Variants in SZT2 observed in about 807,000 individuals in gnomAD.
The protein encoded by SZT2 is SZT2 subunit of KICSTOR complex.
In SZT2, 216 loss-of-function variants were observed where a neutral mutation model predicts 404.2. The observed-to-expected ratio is 0.53, with a 90% CI of 0.48 to 0.60. The LOEUF is 0.60. SZT2 is among the 20% of genes least tolerant of loss of function. The probability of loss-of-function intolerance (pLI) is 0.00; values close to 1 mark genes in which losing one functional copy is unlikely to be tolerated. For synonymous variants in SZT2, 1,693 were observed against 1,749.9 expected (o/e 0.97, Z 0.81); for missense variants, 3,857 against 4,459.2 (o/e 0.86, Z 3.85).
rs1197096548 is a variant in SZT2 at position 43,442,002 on chromosome 1, G to A, written c.7745G>A (p.Gly2582Asp). Residue 2582 changes from glycine to aspartate, a missense_variant and splice_region_variant, in exon 56 of 72, where the codon GGT (glycine) becomes GAT (aspartate). This residue lies in a region of SZT2 where 573 missense variants were observed against 592.4 expected (regional missense o/e 0.97). Transcript: ENST00000634258. This position sits in a 1 kb window ranked among gnomAD's most constrained non-coding sequence, Gnocchi z 4.5. ...TSVRIFEQHLGSEPEIFGPCS... is the reference protein window; with the variant it reads ...TSVRIFEQHLDSEPEIFGPCS... ...CTGTCTGTCCTCCCTTTCAATAGGG[G>A]TTCAGAGCCAGAGATCTTCGGCCCT... is the stretch of plus-strand genomic sequence containing the variant. 1.2e-6 allele frequency: 2 copies of A among 1,612,186 alleles called. No individual in the cohort carries two copies. Among genetic ancestry groups the A allele is most frequent in the South Asian group, 2.2e-5 (2 of 90,814 alleles).
intron 38 of SZT2, 47 bp from the exon 39 acceptor site, chr1:43,432,681 C>T (rs1364833106): frequency 5.0e-6 from 8 of 1,613,378 alleles, no homozygotes; most frequent in Non-Finnish European, 6.8e-6. Context: ...GAGGGAGGCC[C>T]TAGACAGGAT....
Position 43,424,702 on chromosome 1 carries a change from G to A in SZT2, c.2472-82G>A. ...GGCTCCTTGAGGACTGCTGGGAGGT[G>A]GGTGTATGTGGGGAGAGCTTGTAGT... is the stretch of plus-strand genomic sequence containing the variant. On this transcript the variant is annotated intron_variant, in intron 16 of 71. Transcript: ENST00000634258. The surrounding 1 kb of genome is among the most constrained non-coding windows in gnomAD (Gnocchi z 4.1). 8.2e-7 allele frequency: 1 copy of A among 1,215,708 alleles called. No individual in the cohort carries two copies. The highest frequency in any genetic ancestry group is 1.8e-5 in the Admixed American group (1 of 55,800). 75.3% of individuals were successfully genotyped at this position (1,215,708 alleles called of 1,614,324 possible). A position where few individuals can be genotyped will look rare whatever the true frequency, so the allele number is the denominator to read the frequency against.
chr1:43,391,940 T>C (rs1360514847), intron 1 of SZT2, among the ~76,000 whole-genome samples: 1 of 68,918 alleles, frequency 1.5e-5, no homozygotes, highest in South Asian at 3.7e-4. Context: ...AAAAATTAGC[T>C]GGGCGTGGTG....
rs760218399 is a variant in SZT2, at chr1:43,423,175, A to C, written c.2114A>C (p.Lys705Thr). ...GTACAAAGCAAGGAGCCAACGCCCA[A>C]GGTGAAACGAAAAGGGCTAGGGGGT... ...HRVQSKEPTP[K>T]VKRKGLGGAG... is the part of the protein sequence containing the mutation. Residue 705 changes from lysine (K) to threonine (T), a missense_variant, in exon 15 of 72, where the codon AAG becomes ACG. By Grantham distance (78) the Lys-to-Thr change is moderately conservative. Transcript: ENST00000634258. 6.3e-7 allele frequency: 1 copy of C among 1,597,570 alleles called. No homozygotes were observed. The highest frequency in any genetic ancestry group is 2.2e-5 in the East Asian group (1 of 44,850).
Position 43,437,201 on chromosome 1 carries a change from G to C in SZT2, c.6065G>C (p.Arg2022Pro). The change falls in exon 43 of 72, where the codon CGT becomes CCT. Residue 2022 changes from arginine (R) to proline (P), a missense_variant. Transcript: ENST00000634258. This position sits in a 1 kb window ranked among gnomAD's most constrained non-coding sequence, Gnocchi z 5.3. The stretch of plus-strand genomic sequence containing the variant: ...GCTGCTGATGAGAGCTGTGCGCCCC[G>C]TGGGTACCTGGCAGCCACAATGCAG... ...DYAADESCAP[R>P]GYLAATMQFV... 1.2e-6 allele frequency: 2 copies of C among 1,614,144 alleles called. No homozygotes were observed. The highest frequency in any genetic ancestry group is 1.1e-5 in the South Asian group (1 of 91,080).
chr1:43,437,851 G>A lies in SZT2; in HGVS notation c.6457G>A (p.Gly2153Ser), dbSNP rs1178603904. Residue 2153 changes from glycine to serine, a missense_variant, in exon 46 of 72, where the codon GGC becomes AGC. Gly to Ser is a moderately conservative substitution (Grantham distance 56). This residue lies in a region of SZT2 where 261 missense variants were observed against 372.9 expected (regional missense o/e 0.70). Transcript: ENST00000634258. This position sits in a 1 kb window ranked among gnomAD's most constrained non-coding sequence, Gnocchi z 5.3. ...CAGTTCAGATGCTGCTCGTCCTGTGGGCCAAGTGGACAGACATATCCAGCT... is the reference window on the plus strand; with the variant it reads ...CAGTTCAGATGCTGCTCGTCCTGTGAGCCAAGTGGACAGACATATCCAGCT... ...SRSSDAARPV[G>S]QVDRHIQLLV... 1.2e-6 allele frequency: 2 copies of A among 1,614,168 alleles called. No homozygotes were observed. The highest frequency in any genetic ancestry group is 1.3e-5 in the African/African-American group (1 of 75,032).
In SZT2 at chr1:43,423,196, G is replaced by C. The variant is rs1219555045; in HGVS notation, c.2135G>C (p.Gly712Ala). The stretch of plus-strand genomic sequence containing the variant: ...CCCAAGGTGAAACGAAAAGGGCTAG[G>C]GGGTGCTGGTGGGGGCAGCTCTCCC... ...PTPKVKRKGL[G>A]GAGGGSSPSK... The change falls in exon 15 of 72, where the codon GGG becomes GCG. Residue 712 changes from glycine (G) to alanine (A), a missense_variant. Physicochemically the swap from Gly to Ala is moderately conservative, Grantham distance 60. This residue lies in a region of SZT2 where 1,725 missense variants were observed against 1,881.0 expected (regional missense o/e 0.92). Coordinates refer to ENST00000634258, the MANE Select transcript of SZT2 (RefSeq NM_001365999.1). The C allele has an allele frequency of 6.3e-7, 1 of 1,597,668 alleles. No homozygotes were observed. Among genetic ancestry groups the C allele is most frequent in the African/African-American group, 1.3e-5 (1 of 74,900 alleles).
intron 7 of SZT2, among the ~76,000 whole-genome samples, chr1:43,417,308 A>G (rs1048526505): frequency 1.3e-5 from 2 of 152,174 alleles, no homozygotes; most frequent in African/African-American, 2.4e-5. Flanking sequence ...GGCAGAGTCA[A>G]CCTGACTTCA....
chr1:43,452,675 C>A lies in SZT2; in HGVS notation c.*2195C>A. Reference sequence around the variant, plus strand: ...TATTCCATGCTGCTGTCTCTACTTCCTCTCCTCGCATCTACTTAGCCTTTT... The same window carrying A: ...TATTCCATGCTGCTGTCTCTACTTCATCTCCTCGCATCTACTTAGCCTTTT... On this transcript the variant is annotated 3_prime_UTR_variant, in exon 72 of 72. Coordinates refer to ENST00000634258, the MANE Select transcript of SZT2 (RefSeq NM_001365999.1). The A allele has an allele frequency of 1.7e-6, 1 of 603,690 alleles. No homozygotes were observed. The allele number at this position is 603,690 out of a possible 1,614,324, so 37.4% of individuals were successfully genotyped here.
chr1:43,431,647 A>G (rs1653899368), intron 35 of SZT2, 69 bp from the exon 36 acceptor site: 2 of 1,602,052 alleles, frequency 1.2e-6, no homozygotes, highest in African/African-American at 2.7e-5. Flanking sequence ...ATTATCTTCT[A>G]GTCCGGGAGT....
rs77936852 is a variant in SZT2 at position 43,438,346 on chromosome 1, C to T, written c.6509-353C>T. Among the ~76,000 whole-genome samples, 32 of 152,274 alleles carry T rather than the reference C, an allele frequency of 2.1e-4. 1 individual carries two copies. The East Asian group carries it at 6.0e-3, about 29-fold the overall frequency. ...TTTGCCCCAGGTGTCCAGTAGGCAA[C>T]TGGATTTTCCAGCTAATATTTATAG... On this transcript the variant is annotated intron_variant, in intron 46 of 71. Coordinates refer to ENST00000634258, the MANE Select transcript of SZT2 (RefSeq NM_001365999.1).
chr1:43,447,946 G>A lies in SZT2; in HGVS notation c.9538G>A (p.Gly3180Arg). The part of the protein sequence containing the change: ...CHCAAPFEEQ[G>R]EAERHVLRLQ... Reference sequence around the variant, plus strand: ...CTGTGCTGCACCCTTTGAGGAGCAAGGAGAGGCTGAGCGGCACGTTCTGCG... The same window carrying A: ...CTGTGCTGCACCCTTTGAGGAGCAAAGAGAGGCTGAGCGGCACGTTCTGCG... The change falls in exon 68 of 72, where the codon GGA (glycine) becomes AGA (arginine). Residue 3180 changes from glycine to arginine, a missense_variant. Physicochemically the swap from Gly to Arg is moderately radical, Grantham distance 125. Transcript: ENST00000634258. 2 of 1,614,052 alleles carry A rather than the reference G, an allele frequency of 1.2e-6. No homozygotes were observed. Among genetic ancestry groups the A allele is most frequent in the Non-Finnish European group, 1.7e-6 (2 of 1,180,008 alleles).
At chr1:43,394,111 G>A (rs910842444) in intron 1 of SZT2, 1 of 983,290 alleles carries the variant, frequency 1.0e-6, no homozygotes, top group South Asian at 4.7e-5. Flanking sequence ...TGTGAGTGTG[G>A]ATGCTCTGAG....
chr1:43,420,357 G>T lies in SZT2; in HGVS notation c.1261+34G>T. On this transcript the variant is annotated intron_variant, in intron 9 of 71. Transcript: ENST00000634258. This position sits in a 1 kb window ranked among gnomAD's most constrained non-coding sequence, Gnocchi z 5.1. The stretch of plus-strand genomic sequence containing the variant: ...CATTAGGCCCTGCTGTAATCCCATA[G>T]ATCTCTCAAGAATTTGTGTGTGGGA... The T allele has an allele frequency of 6.6e-7, 1 of 1,518,558 alleles. No individual in the cohort carries two copies. The highest frequency in any genetic ancestry group is 8.8e-7 in the Non-Finnish European group (1 of 1,137,250). 94.1% of individuals were successfully genotyped at this position (1,518,558 alleles called of 1,614,324 possible).
chr1:43,397,127 G>C (rs1353931144), intron 1 of SZT2, among the ~76,000 whole-genome samples: 1 of 152,054 alleles, frequency 6.6e-6, no homozygotes, highest in Admixed American at 6.6e-5. Context: ...AGGCTCTAGG[G>C]TTACAGCAAG....
intron 1 of SZT2, among the ~76,000 whole-genome samples, chr1:43,399,083 A>G (rs1570548992): frequency 6.6e-6 from 1 of 152,142 alleles, no homozygotes; most frequent in East Asian, 1.9e-4. Context: ...CCGTCTCAAA[A>G]AAAAAAAAGA....
chr1:43,435,372 C>A (rs747184292), intron 42 of SZT2, 43 bp downstream of exon 42: 1 of 1,608,142 alleles, frequency 6.2e-7, no homozygotes, highest in South Asian at 1.1e-5. Context: ...GCAGTGCTGC[C>A]GCCCTTTCTT....
Position 43,446,338 on chromosome 1 carries a change from C to T in SZT2, c.8998-4C>T, listed in dbSNP as rs1444289387. 5 of 1,614,266 alleles carry T rather than the reference C, an allele frequency of 3.1e-6. No homozygotes were observed. Among genetic ancestry groups the T allele is most frequent in the Non-Finnish European group, 4.2e-6 (5 of 1,180,050 alleles). On this transcript the variant is annotated splice_polypyrimidine_tract_variant and splice_region_variant and intron_variant, in intron 64 of 71. Transcript: ENST00000634258. ...TCCTGATCTCATCTTCACCTTCCCT[C>T]CAGGGCTGTTACTTCTGTGTCAAAC...
intron 66 of SZT2, 93 bp from the exon 67 acceptor site, chr1:43,447,451 TC>T: frequency 6.7e-7 from 1 of 1,499,084 alleles, no homozygotes; most frequent in Non-Finnish European, 9.0e-7. Context: ...TGCCTGCCAG[TC>T]AGAGCCTTAA....
Sources: allele counts gnomAD v4.1 joint callset (sites outside exome capture counted in the v4.1 genomes callset), GRCh38; gene constraint gnomAD v4.1.1; regional missense constraint gnomAD v4.1.1; non-coding constraint Gnocchi (gnomAD v3.1); transcripts MANE v1.5; gene names NCBI Gene and HGNC (gene_info 2026-07-23, HGNC 2026-07-21).